Variants in HTR2C observed in about 807,000 individuals in gnomAD.
HTR2C encodes the protein 5-hydroxytryptamine receptor 2C.
HTR2C carries 5 observed loss-of-function variants against 21.0 expected under a neutral mutation model. That is an observed-to-expected ratio of 0.24 (90% CI 0.12 to 0.50). The LOEUF (loss-of-function observed/expected upper bound fraction) is 0.50, where lower values mean the gene tolerates loss of function less well. HTR2C is among the 20% of genes least tolerant of loss of function. The pLI is 0.98. For synonymous variants in HTR2C, 150 were observed against 145.3 expected, an observed-to-expected ratio of 1.03 and a Z score of -0.23; for missense variants, 271 against 371.2, an observed-to-expected ratio of 0.73 and a Z score of 2.22.
chrX:114,600,748 C>G (rs1000902471), intron 1 of HTR2C, among the ~76,000 whole-genome samples: 1 of 111,011 alleles, frequency 9.0e-6, no homozygotes, highest in Admixed American at 9.6e-5. Flanking sequence ...CTATTTTAAT[C>G]TAATTTCATA....
chrX:114,655,553 C>G (rs1395538351), intron 2 of HTR2C, among the ~76,000 whole-genome samples: 1 of 111,740 alleles, frequency 8.9e-6, no homozygotes, highest in African/African-American at 3.2e-5. Context: ...TTGGCACATG[C>G]CATTTAAGTG....
intron 4 of HTR2C, among the ~76,000 whole-genome samples, chrX:114,842,087 A>G (rs1602867069): frequency 8.9e-6 from 1 of 112,512 alleles, no homozygotes; most frequent in East Asian, 2.8e-4. Flanking sequence ...TATGAAACTC[A>G]AACATCAAAT....
intron 2 of HTR2C, among the ~76,000 whole-genome samples, chrX:114,628,096 C>G (rs1287670017): frequency 8.9e-6 from 1 of 111,982 alleles, no homozygotes; most frequent in Non-Finnish European, 1.9e-5. Context: ...AAATGTTTCT[C>G]TAATGCTTGG....
chrX:114,628,331 C>T (rs1426414800), intron 2 of HTR2C, among the ~76,000 whole-genome samples: 2 of 107,092 alleles, frequency 1.9e-5, no homozygotes, highest in Admixed American at 1.0e-4. Context: ...TTCTGCTGCC[C>T]GGGTTCAAGT....
intron 2 of HTR2C, chrX:114,652,511 A>G (rs1022504958): frequency 2.8e-4 from 74 of 268,104 alleles, no homozygotes; most frequent in South Asian, 2.3e-3. Context: ...ATTTATATAG[A>G]AAGAAACATT....
At position 114,809,943 on chromosome X, in the gene HTR2C, G is replaced by T; in HGVS notation, c.350-38060G>T. On this transcript the variant is annotated intron_variant, in intron 4 of 5. Transcript: ENST00000276198. The stretch of plus-strand genomic sequence containing the variant: ...CAAGGCCCATGGCAAATTCTGCTCG[G>T]CTACCACTGCTGATTATTCAGGGAC... 2.7e-5 allele frequency among the ~76,000 whole-genome samples: 3 copies of T among 111,943 alleles called. 1 individual carries two copies. The Middle Eastern group carries it at 0.014, about 518-fold the overall frequency.
intron 2 of HTR2C, among the ~76,000 whole-genome samples, chrX:114,658,686 T>C (rs1930872323): frequency 9.0e-6 from 1 of 110,714 alleles, no homozygotes; most frequent in Non-Finnish European, 1.9e-5. Flanking sequence ...AATAATTGAA[T>C]CAGCAGATAA....
intron 4 of HTR2C, among the ~76,000 whole-genome samples, chrX:114,825,617 T>C (rs782452490): frequency 1.8e-5 from 2 of 111,456 alleles, no homozygotes; most frequent in Non-Finnish European, 3.8e-5. Context: ...TTTATCAATG[T>C]CAATTAGGTC....
intron 5 of HTR2C, among the ~76,000 whole-genome samples, chrX:114,881,325 G>A (rs2071179610): frequency 9.0e-6 from 1 of 110,553 alleles, no homozygotes; most frequent in Non-Finnish European, 1.9e-5. Context: ...ATCATTTGCA[G>A]TGTAAAATTT....
chrX:114,858,039 A>G (rs782283010), intron 5 of HTR2C, among the ~76,000 whole-genome samples: 2 of 110,986 alleles, frequency 1.8e-5, no homozygotes, highest in South Asian at 3.8e-4. Flanking sequence ...CTCCTGGGCT[A>G]TAAGTTCTGT....
intron 2 of HTR2C, among the ~76,000 whole-genome samples, chrX:114,659,068 C>T (rs1164757870): frequency 1.8e-5 from 2 of 111,069 alleles, no homozygotes; most frequent in African/African-American, 6.6e-5. Context: ...GCAAACATGT[C>T]CTTCTTCACG....
intron 4 of HTR2C, chrX:114,776,791 G>A (rs1194154240): frequency 2.4e-5 from 7 of 290,070 alleles, no homozygotes; most frequent in African/African-American, 1.9e-4. Flanking sequence ...CTGGCGTGTA[G>A]GGCCGGCTCT....
At chrX:114,858,360 T>C (rs781826544) in intron 5 of HTR2C, among the ~76,000 whole-genome samples, 1 of 111,475 alleles carries the variant, frequency 9.0e-6, no homozygotes, top group East Asian at 2.8e-4. Flanking sequence ...GTAAATAATC[T>C]ACTATTTATT....
At chrX:114,758,035 G>T (rs1602751086) in intron 4 of HTR2C, among the ~76,000 whole-genome samples, 1 of 110,784 alleles carries the variant, frequency 9.0e-6, no homozygotes, top group Middle Eastern at 4.7e-3. Context: ...GTAATCCTAT[G>T]CCTCTTTTTC....
chrX:114,726,309 T>C (rs1199730439), intron 2 of HTR2C, among the ~76,000 whole-genome samples: 2 of 112,546 alleles, frequency 1.8e-5, no homozygotes, highest in Non-Finnish European at 3.8e-5. Context: ...TTTGTTTGAC[T>C]AGGAAAGGGA....
intron 2 of HTR2C, among the ~76,000 whole-genome samples, chrX:114,692,897 A>G (rs1389425414): frequency 9.0e-6 from 1 of 111,581 alleles, no homozygotes; most frequent in African/African-American, 3.3e-5. Flanking sequence ...TACTATGTAC[A>G]AAGCACTGTA....
Position 114,726,972 on chromosome X carries a change from G to GT in HTR2C, c.35+2dup. 1 of 1,079,446 alleles carries GT rather than the reference G, an allele frequency of 9.3e-7. No homozygotes were observed. The highest frequency in any genetic ancestry group is 1.2e-6 in the Non-Finnish European group (1 of 808,543). 89.0% of individuals were successfully genotyped at this position (1,079,446 alleles called of 1,213,427 possible). On this transcript the variant is annotated splice_donor_variant, in intron 3 of 5. Coordinates refer to ENST00000276198, the MANE Select transcript of HTR2C (RefSeq NM_000868.4). LOFTEE classifies it high-confidence loss of function. ...TGAGGAATGCGGTGCATTCATTCCT[G>GT]TAAGGATGTTACTACTTATTATTTT... is the stretch of plus-strand genomic sequence containing the variant.
intron 4 of HTR2C, among the ~76,000 whole-genome samples, chrX:114,819,355 A>G (rs2147457452): frequency 8.9e-6 from 1 of 112,034 alleles, no homozygotes; most frequent in Non-Finnish European, 1.9e-5. Context: ...AGAAAAGGAG[A>G]GAAAAAAATT....
chrX:114,654,013 G>A (rs1425278919), intron 2 of HTR2C, among the ~76,000 whole-genome samples: 1 of 110,349 alleles, frequency 9.1e-6, no homozygotes, highest in Non-Finnish European at 1.9e-5. Context: ...TTGAGCCAGT[G>A]AATTAACCTT....
Sources: allele counts gnomAD v4.1 joint callset (sites outside exome capture counted in the v4.1 genomes callset), GRCh38; gene constraint gnomAD v4.1.1; transcripts MANE v1.5; gene names NCBI Gene and HGNC (gene_info 2026-07-23, HGNC 2026-07-21).